The following CHP1 variants were observed in gnomAD, a reference collection of about 807,000 sequenced individuals.
CHP1 encodes calcineurin like EF-hand protein 1, also known as calcineurin B homologous protein 1.
In CHP1, 11 loss-of-function variants were observed where a neutral mutation model predicts 27.4. The ratio of observed to expected loss-of-function variants is 0.40; its 90% CI spans 0.25 to 0.67. The LOEUF (loss-of-function observed/expected upper bound fraction) is 0.67, where lower values mean the gene tolerates loss of function less well. Among genes scored for constraint, CHP1 ranks in the 30% least tolerant of loss-of-function variants. The pLI, the probability that CHP1 is intolerant of heterozygous loss-of-function variation, is 0.38. For missense variants in CHP1, 169 were observed against 251.3 expected (o/e 0.67, Z 2.22); for synonymous variants, 89 against 87.4 (o/e 1.02, Z -0.10).
At chr15:41,260,082 C>T (rs1690248168) in intron 3 of CHP1, among the ~76,000 whole-genome samples, 1 of 152,082 alleles carries the variant, frequency 6.6e-6, no homozygotes, top group Non-Finnish European at 1.5e-5. Context: ...TGAACTCTGC[C>T]TTTAGAAGGG....
chr15:41,275,672 G>T (rs1443203390), intron 5 of CHP1, among the ~76,000 whole-genome samples: 1 of 152,054 alleles, frequency 6.6e-6, no homozygotes, highest in Non-Finnish European at 1.5e-5. Context: ...CCTGGGCTCA[G>T]ACCATCCTCC....
At chr15:41,258,068 C>T (rs1354284927) in intron 3 of CHP1, among the ~76,000 whole-genome samples, 1 of 152,136 alleles carries the variant, frequency 6.6e-6, no homozygotes, top group Non-Finnish European at 1.5e-5. Context: ...TCTCTACCTA[C>T]ACATACTCTA....
intron 2 of CHP1, among the ~76,000 whole-genome samples, chr15:41,251,715 G>A (rs562536557): frequency 6.6e-6 from 1 of 152,028 alleles, no homozygotes; most frequent in East Asian, 1.9e-4. Flanking sequence ...GTGTCATCCT[G>A]AAACTATCCT....
intron 2 of CHP1, among the ~76,000 whole-genome samples, chr15:41,252,521 C>A (rs1189078718): frequency 6.6e-6 from 1 of 152,096 alleles, no homozygotes; most frequent in Non-Finnish European, 1.5e-5. Context: ...GTCCTATTAA[C>A]AGATTTTAAT....
At chr15:41,252,842 G>A (rs1426816103) in intron 2 of CHP1, among the ~76,000 whole-genome samples, 1 of 150,594 alleles carries the variant, frequency 6.6e-6, no homozygotes, top group Non-Finnish European at 1.5e-5. Flanking sequence ...AAATCTTCAA[G>A]GAAGGTTTTC....
intron 1 of CHP1, among the ~76,000 whole-genome samples, chr15:41,240,992 A>G (rs531712398): frequency 1.4e-4 from 21 of 151,976 alleles, no homozygotes; most frequent in African/African-American, 5.1e-4. Context: ...AGCTGGGACT[A>G]GAGGCAGACG....
chr15:41,241,663 T>C (rs2047307620), intron 1 of CHP1, among the ~76,000 whole-genome samples: 1 of 152,214 alleles, frequency 6.6e-6, no homozygotes. Flanking sequence ...GTGATCACTT[T>C]AGAGCACTAG....
chr15:41,264,162 C>A, intron 4 of CHP1: 2 of 1,280,162 alleles, frequency 1.6e-6, no homozygotes, highest in Non-Finnish European at 2.0e-6. Context: ...TCACATCTGG[C>A]AGTAGAGGAA....
intron 1 of CHP1, among the ~76,000 whole-genome samples, chr15:41,240,876 CAG>C (rs1199010931): frequency 1.1e-4 from 13 of 122,620 alleles, no homozygotes; most frequent in East Asian, 2.3e-4. Context: ...TTTTTTGAAA[CAG>C]AGTCTTGTTC....
At chr15:41,238,023 A>G (rs1458642816) in intron 1 of CHP1, among the ~76,000 whole-genome samples, 1 of 149,826 alleles carries the variant, frequency 6.7e-6, no homozygotes, top group Admixed American at 6.7e-5. Context: ...ACTTTTTCTT[A>G]CTCCCTTTTT....
At chr15:41,270,918 A>G (rs1364720580) in intron 5 of CHP1, among the ~76,000 whole-genome samples, 4 of 152,162 alleles carry the variant, frequency 2.6e-5, no homozygotes, top group Non-Finnish European at 5.9e-5. Flanking sequence ...GTTCAAGGGC[A>G]GCCTGGCCAA....
chr15:41,262,811 A>G lies in CHP1; in HGVS notation c.277A>G (p.Ile93Val). Residue 93 changes from isoleucine (I) to valine (V), a missense_variant, in exon 4 of 7, where the codon ATT becomes GTT. Physicochemically the swap from Ile to Val is conservative, Grantham distance 29. Coordinates refer to ENST00000334660, the MANE Select transcript of CHP1 (RefSeq NM_007236.5). ...FMRTLAHFRPIEDNEKSKDVN... is the reference protein window; with the variant it reads ...FMRTLAHFRPVEDNEKSKDVN... ...GCGAACTTTGGCTCATTTCCGCCCC[A>G]TTGAGGATAATGAAAAGAGCAAAGA... 1.2e-6 allele frequency: 2 copies of G among 1,613,872 alleles called. No homozygotes were observed. The highest frequency in any genetic ancestry group is 1.7e-6 in the Non-Finnish European group (2 of 1,180,010).
Position 41,231,349 on chromosome 15 carries a change from C to T in CHP1, c.-34C>T. 6.4e-7 allele frequency: 1 copy of T among 1,572,696 alleles called. No individual in the cohort carries two copies. Among genetic ancestry groups the T allele is most frequent in the Non-Finnish European group, 8.6e-7 (1 of 1,158,378 alleles). On this transcript the variant is annotated 5_prime_UTR_variant, in exon 1 of 7. Transcript: ENST00000334660. ...TCCCTCCTGTCGCCGTCTCTTCTGGCGCCGCTGCTCCCGGAGGAGCTCCCG... is the reference window on the plus strand; with the variant it reads ...TCCCTCCTGTCGCCGTCTCTTCTGGTGCCGCTGCTCCCGGAGGAGCTCCCG...
rs1022474871 is a variant in CHP1, at chr15:41,281,308, C to T, written c.*1919C>T. 6 of 152,588 alleles carry T rather than the reference C, an allele frequency of 3.9e-5. No individual in the cohort carries two copies. Among genetic ancestry groups the T allele is most frequent in the African/African-American group, 1.4e-4 (6 of 41,442 alleles). The allele number at this position is 152,588 out of a possible 1,614,324, so 9.5% of individuals were successfully genotyped here. On this transcript the variant is annotated 3_prime_UTR_variant, in exon 7 of 7. Coordinates refer to ENST00000334660, the MANE Select transcript of CHP1 (RefSeq NM_007236.5). ...CTTCTTGTTTAGACCACTGCTAATC[C>T]CTTAAAAACAAGAGGTCTGGCACTA...
At position 41,279,787 on chromosome 15, in the gene CHP1, T is replaced by G. The variant is rs547590822; in HGVS notation, c.*398T>G. 1.5e-4 allele frequency: 26 copies of G among 177,980 alleles called. No individual in the cohort carries two copies. Among genetic ancestry groups the G allele is most frequent in the African/African-American group, 2.6e-4 (11 of 42,530 alleles). 11.0% of individuals were successfully genotyped at this position (177,980 alleles called of 1,614,324 possible). On this transcript the variant is annotated 3_prime_UTR_variant, in exon 7 of 7. Transcript: ENST00000334660. The stretch of plus-strand genomic sequence containing the variant: ...CCTCCAGCGAGTCTGCCAGCATGCT[T>G]CTTCATCCTTTTTATATGTTCTTTG...
chr15:41,252,458 C>T (rs957898451), intron 2 of CHP1, among the ~76,000 whole-genome samples: 1 of 152,114 alleles, frequency 6.6e-6, no homozygotes, highest in African/African-American at 2.4e-5. Flanking sequence ...TGAGCCACCA[C>T]GCCCGGCCTG....
chr15:41,254,123 A>G (rs2140932411), intron 2 of CHP1, among the ~76,000 whole-genome samples: 1 of 152,194 alleles, frequency 6.6e-6, no homozygotes, highest in South Asian at 2.1e-4. Flanking sequence ...TACTTTTAGC[A>G]ATACTGTCCT....
intron 2 of CHP1, among the ~76,000 whole-genome samples, chr15:41,244,872 C>G (rs2047325872): frequency 6.6e-6 from 1 of 152,156 alleles, no homozygotes; most frequent in African/African-American, 2.4e-5. Flanking sequence ...CTTTGATTGG[C>G]ATGTAATGAA....
At chr15:41,242,464 G>A (rs572846939) in intron 1 of CHP1, among the ~76,000 whole-genome samples, 1 of 152,190 alleles carries the variant, frequency 6.6e-6, no homozygotes, top group South Asian at 2.1e-4. Flanking sequence ...ATCAAAACAT[G>A]CATTTTTTAG....
Sources: allele counts gnomAD v4.1 joint callset (sites outside exome capture counted in the v4.1 genomes callset), GRCh38; gene constraint gnomAD v4.1.1; transcripts MANE v1.5; gene names NCBI Gene and HGNC (gene_info 2026-07-23, HGNC 2026-07-21).